The following RERE variants were observed in gnomAD, a reference collection of about 807,000 sequenced individuals.
RERE encodes arginine-glutamic acid dipeptide repeats, also known as arginine-glutamic acid dipeptide repeats protein.
In RERE, 40 loss-of-function variants were observed where a neutral mutation model predicts 146.1. The ratio of observed to expected loss-of-function variants is 0.27; its 90% CI spans 0.21 to 0.36. The LOEUF (loss-of-function observed/expected upper bound fraction) is 0.36. Ranked by LOEUF, RERE falls within the 10% of genes least tolerant of loss-of-function variation. RERE has a pLI of 1.00. For synonymous variants in RERE, 1,003 were observed against 866.0 expected (o/e 1.16, Z -2.78); for missense variants, 1,933 against 2,138.7 (o/e 0.90, Z 1.90).
intron 4 of RERE, among the ~76,000 whole-genome samples, chr1:8,575,004 A>C (rs1021973982): frequency 7.2e-5 from 11 of 152,256 alleles, no homozygotes; most frequent in African/African-American, 2.7e-4. Flanking sequence ...ATTTACATAC[A>C]CATATACACA....
intron 1 of RERE, among the ~76,000 whole-genome samples, chr1:8,668,453 A>T (rs1192329533): frequency 6.6e-6 from 1 of 152,216 alleles, no homozygotes; most frequent in African/African-American, 2.4e-5. Flanking sequence ...AGGGCAAGGG[A>T]AGCCAAATGC....
At chr1:8,574,031 C>T (rs1646257182) in intron 4 of RERE, among the ~76,000 whole-genome samples, 1 of 152,116 alleles carries the variant, frequency 6.6e-6, no homozygotes, top group Admixed American at 6.5e-5. Flanking sequence ...GTCTTAAACT[C>T]CTGGGCTCAA....
intron 1 of RERE, among the ~76,000 whole-genome samples, chr1:8,749,492 GCCTC>G (rs944343396): frequency 6.6e-6 from 1 of 151,410 alleles, no homozygotes; most frequent in African/African-American, 2.4e-5. Context: ...GCCAGGGAGG[GCCTC>G]CCTAAGGAAT....
In RERE at chr1:8,364,043, C is replaced by T; in HGVS notation, c.1740+13G>A. On this transcript the variant is annotated intron_variant, in intron 15 of 22. Transcript: ENST00000400908. The surrounding 1 kb of genome is among the most constrained non-coding windows in gnomAD (Gnocchi z 5.1). ...AGAAGTTGCCAGGAGCCCCATGGCC[C>T]CAGGGGACTCACCGAGCCCCGACTC... is the stretch of plus-strand genomic sequence containing the variant. 5 of 1,613,264 alleles carry T rather than the reference C, an allele frequency of 3.1e-6. No individual in the cohort carries two copies. The highest frequency in any genetic ancestry group is 1.7e-4 in the Middle Eastern group (1 of 6,048).
At chr1:8,519,104 T>C (rs1471915617) in intron 7 of RERE, among the ~76,000 whole-genome samples, 2 of 152,130 alleles carry the variant, frequency 1.3e-5, no homozygotes, top group Non-Finnish European at 2.9e-5. Context: ...AGGCCAGGCA[T>C]GGTGGCTGGC....
At chr1:8,750,716 G>C (rs949669053) in intron 1 of RERE, 6 of 799,118 alleles carry the variant, frequency 7.5e-6, no homozygotes, top group African/African-American at 3.3e-5. Flanking sequence ...CAGGACCAGA[G>C]GTATCAATGG....
chr1:8,750,815 A>G (rs200044405), intron 1 of RERE: 222 of 823,296 alleles, frequency 2.7e-4, no homozygotes, highest in African/African-American at 6.7e-4. Context: ...CAAGGCTTCA[A>G]TTAACATGCT....
At chr1:8,601,736 A>C (rs1277858439) in intron 4 of RERE, among the ~76,000 whole-genome samples, 2 of 140,812 alleles carry the variant, frequency 1.4e-5, no homozygotes, top group Non-Finnish European at 3.1e-5. Flanking sequence ...GTCCAAGGTC[A>C]ACACACACAC....
chr1:8,534,822 A>G (rs770338098), intron 7 of RERE, among the ~76,000 whole-genome samples: 23 of 152,392 alleles, frequency 1.5e-4, no homozygotes, highest in Middle Eastern at 3.4e-3. Context: ...GCAACTGGTC[A>G]AAGTGAACAT....
intron 1 of RERE, among the ~76,000 whole-genome samples, chr1:8,813,498 A>G (rs575578126): frequency 1.3e-5 from 2 of 152,258 alleles, no homozygotes; most frequent in East Asian, 3.9e-4. Flanking sequence ...AGAAGGGCAC[A>G]GATTATATTC....
intron 3 of RERE, among the ~76,000 whole-genome samples, chr1:8,621,593 A>G (rs1013531735): frequency 1.3e-5 from 2 of 152,238 alleles, no homozygotes; most frequent in African/African-American, 2.4e-5. Context: ...AATGAAACAC[A>G]TCTCTCAGTT....
chr1:8,487,889 T>TA (rs762917746), intron 10 of RERE, among the ~76,000 whole-genome samples: 1 of 151,516 alleles, frequency 6.6e-6, no homozygotes, highest in African/African-American at 2.4e-5. Flanking sequence ...AGGAAATACT[T>TA]AGGAGTAAAT....
At chr1:8,663,091 C>T (rs1346722758) in intron 1 of RERE, among the ~76,000 whole-genome samples, 1 of 152,120 alleles carries the variant, frequency 6.6e-6, no homozygotes, top group Admixed American at 6.5e-5. Flanking sequence ...AGAAACTTAA[C>T]TATTTGGGCG....
At chr1:8,525,392 C>T (rs1372227359) in intron 7 of RERE, among the ~76,000 whole-genome samples, 2 of 152,182 alleles carry the variant, frequency 1.3e-5, no homozygotes, top group Admixed American at 1.3e-4. Context: ...ATACTAGCCA[C>T]AAGGCAAGGG....
rs1279917149 is a variant in RERE at position 8,451,342 on chromosome 1, GA to G, written c.1203+14582del. 3.9e-5 allele frequency among the ~76,000 whole-genome samples: 6 copies of G among 152,290 alleles called. No homozygotes were observed. In the East Asian group the frequency reaches 9.7e-4, roughly 25 times the overall value. On this transcript the variant is annotated intron_variant, in intron 11 of 22. Transcript: ENST00000400908. ...AGCTACTCAGGAAGCTGAGGCAGGA[GA>G]ACAGCTTGAACCCGGAAGGCAGAGG...
chr1:8,782,929 C>G (rs1281669981), intron 1 of RERE, among the ~76,000 whole-genome samples: 4 of 152,074 alleles, frequency 2.6e-5, no homozygotes, highest in Non-Finnish European at 5.9e-5. Context: ...ATAATCTGCT[C>G]TAAACACAGC....
intron 4 of RERE, among the ~76,000 whole-genome samples, chr1:8,581,987 G>A (rs1291696386): frequency 6.6e-6 from 1 of 151,898 alleles, no homozygotes; most frequent in Non-Finnish European, 1.5e-5. Flanking sequence ...GAACTGTTGT[G>A]ACACTTTTAA....
At chr1:8,458,051 A>G (rs1275237334) in intron 11 of RERE, among the ~76,000 whole-genome samples, 1 of 152,092 alleles carries the variant, frequency 6.6e-6, no homozygotes, top group African/African-American at 2.4e-5. Flanking sequence ...AATATGTCTC[A>G]CCTGTGAAAA....
chr1:8,572,638 G>A (rs976558192), intron 4 of RERE, among the ~76,000 whole-genome samples: 4 of 152,154 alleles, frequency 2.6e-5, no homozygotes, highest in African/African-American at 9.7e-5. Flanking sequence ...CATCTGCTAG[G>A]CACCAGACAC....
Sources: gnomAD v4.1 joint callset for allele counts (sites outside exome capture counted in the v4.1 genomes callset) on GRCh38, gnomAD v4.1.1 for gene constraint, Gnocchi (gnomAD v3.1) non-coding constraint, MANE v1.5 for transcripts, NCBI Gene and HGNC (gene_info 2026-07-23, HGNC 2026-07-21) for gene names.